TRANK1: variants seen among roughly 807,000 people sequenced by gnomAD.
TRANK1 encodes TPR and ankyrin repeat-containing protein 1.
TRANK1 carries 198 observed loss-of-function variants against 266.0 expected under a neutral mutation model. That is an observed-to-expected ratio of 0.74 (90% CI 0.66 to 0.84). The LOEUF is 0.84. Ranked by LOEUF, TRANK1 falls within the 40% of genes least tolerant of loss-of-function variation. The pLI, the probability that TRANK1 is intolerant of heterozygous loss-of-function variation, is 0.00. For missense variants in TRANK1, 3,326 were observed against 3,634.6 expected, an observed-to-expected ratio of 0.92 and a Z score of 2.18; for synonymous variants, 1,396 against 1,384.1, an observed-to-expected ratio of 1.01 and a Z score of -0.19.
At chr3:36,841,213 A>G (rs1314738661) in intron 18 of TRANK1, among the ~76,000 whole-genome samples, 1 of 152,240 alleles carries the variant, frequency 6.6e-6, no homozygotes, top group African/African-American at 2.4e-5. Context: ...CAAGCCCTCC[A>G]TAGAAAACAC....
intron 1 of TRANK1, among the ~76,000 whole-genome samples, chr3:36,919,999 T>C (rs1244061855): frequency 1.3e-5 from 2 of 152,182 alleles, no homozygotes; most frequent in African/African-American, 4.8e-5. Context: ...TCTTGCAATA[T>C]TGCTAATAGC....
At chr3:36,868,785 C>G (rs2079263324) in intron 9 of TRANK1, among the ~76,000 whole-genome samples, 1 of 152,116 alleles carries the variant, frequency 6.6e-6, no homozygotes, top group Non-Finnish European at 1.5e-5. Flanking sequence ...TCCTTTAAGT[C>G]AATACCCTAT....
intron 3 of TRANK1, 117 bp downstream of exon 3, chr3:36,903,032 G>C: frequency 1.5e-6 from 2 of 1,339,866 alleles, no homozygotes; most frequent in Non-Finnish European, 2.0e-6. Flanking sequence ...GAAGGAGGCA[G>C]CAGCTGCCAC....
intron 4 of TRANK1, among the ~76,000 whole-genome samples, chr3:36,898,709 G>A (rs1026029692): frequency 1.3e-5 from 2 of 151,980 alleles, no homozygotes; most frequent in Non-Finnish European, 2.9e-5. Context: ...AAACTAGCCC[G>A]GTGTGGTGGC....
rs553556742 is a variant in TRANK1 at position 36,852,212 on chromosome 3, G to A, written c.4683C>T (p.Ser1561=). The change falls in exon 14 of 24, where the codon AGC becomes AGT. Residue 1561 remains serine, a synonymous_variant. Transcript: ENST00000645898. The part of the protein sequence containing the change: ...KPTVLESCSV[S]DLAILLRGNK... ...TCCCTCGTAGCAAAATTGCCAAGTC[G>A]CTTACACTACAAGACTCCAGAACAG... 490 of 1,611,570 alleles carry A rather than the reference G, an allele frequency of 3.0e-4. 4 individuals carry two copies. The South Asian group carries it at 4.6e-3, about 15-fold the overall frequency.
Position 36,864,413 on chromosome 3 carries a change from C to T in TRANK1, c.1146G>A (p.Val382=). Reference sequence around the variant, plus strand: ...ACCGGTTTCCTGAGTTCATATACTTCACCAGCTGCTCCAAGACCTTCCTGA... The same window carrying T: ...ACCGGTTTCCTGAGTTCATATACTTTACCAGCTGCTCCAAGACCTTCCTGA... ...DIFRKVLEQL[V]KYMNSGNRLL... is the part of the protein sequence containing the mutation. The change falls in exon 10 of 24, where the codon GTG becomes GTA. Residue 382 remains valine, a synonymous_variant. Transcript: ENST00000645898. 3 of 1,536,918 alleles carry T rather than the reference C, an allele frequency of 2.0e-6. No homozygotes were observed. The highest frequency in any genetic ancestry group is 1.7e-4 in the Middle Eastern group (1 of 5,990).
At chr3:36,939,500 G>A (rs2080468354) in intron 1 of TRANK1, among the ~76,000 whole-genome samples, 1 of 152,164 alleles carries the variant, frequency 6.6e-6, no homozygotes, top group African/African-American at 2.4e-5. Flanking sequence ...CTGGGATCAA[G>A]TCCCACTGTT....
intron 9 of TRANK1, 115 bp downstream of exon 9, chr3:36,874,011 C>CAT (rs1218462509): frequency 6.6e-5 from 60 of 907,786 alleles, no homozygotes; most frequent in Admixed American, 1.5e-4. Context: ...GTCTCACTTC[C>CAT]ATATATATAT....
intron 5 of TRANK1, among the ~76,000 whole-genome samples, chr3:36,894,846 G>A (rs1041064068): frequency 2.6e-5 from 4 of 152,124 alleles, no homozygotes; most frequent in Admixed American, 6.5e-5. Flanking sequence ...AACCAAATTC[G>A]TAGCTTGGCC....
At chr3:36,937,945 T>C (rs982762451) in intron 1 of TRANK1, among the ~76,000 whole-genome samples, 3 of 152,222 alleles carry the variant, frequency 2.0e-5, no homozygotes, top group Admixed American at 2.0e-4. Flanking sequence ...CAAGCCTCTA[T>C]GTAGCATTTA....
intron 15 of TRANK1, 175 bp downstream of exon 15, chr3:36,851,544 T>C (rs2078984305): frequency 1.7e-6 from 2 of 1,209,804 alleles, no homozygotes; most frequent in East Asian, 2.8e-5. Flanking sequence ...CCACAGCTAA[T>C]GTCAAAACCC....
At chr3:36,935,275 A>G (rs1246241335) in intron 1 of TRANK1, among the ~76,000 whole-genome samples, 2 of 152,028 alleles carry the variant, frequency 1.3e-5, no homozygotes. Context: ...CACCTCTATA[A>G]GGTCCTGTGT....
intron 1 of TRANK1, among the ~76,000 whole-genome samples, chr3:36,919,426 A>G (rs758470456): frequency 3.9e-5 from 6 of 152,218 alleles, no homozygotes; most frequent in Non-Finnish European, 8.8e-5. Context: ...TATCCATGTG[A>G]GACTCAACTA....
intron 1 of TRANK1, among the ~76,000 whole-genome samples, chr3:36,909,271 C>A (rs189268154): frequency 6.6e-6 from 1 of 152,306 alleles, no homozygotes; most frequent in Non-Finnish European, 1.5e-5. Context: ...TGTGGTGTAA[C>A]AATTGAATGC....
Position 36,855,728 on chromosome 3 carries a change from G to A in TRANK1, c.3994C>T (p.Pro1332Ser). The change falls in exon 13 of 24, where the codon CCC (proline) becomes TCC (serine). Residue 1332 changes from proline (P) to serine (S), a missense_variant. Transcript: ENST00000645898. ...GCAGTCCTCCCTTTGGTCATTTTGG[G>A]CCATATTTCATTTTTGAACACCTCA... ...TFEVFKNEIW[P>S]KMTKGRTAYN... The A allele has an allele frequency of 6.2e-7, 1 of 1,613,586 alleles. No individual in the cohort carries two copies. Among genetic ancestry groups the A allele is most frequent in the Non-Finnish European group, 8.5e-7 (1 of 1,179,808 alleles).
intron 8 of TRANK1, among the ~76,000 whole-genome samples, chr3:36,883,802 A>T (rs1194646625): frequency 6.6e-6 from 1 of 152,196 alleles, no homozygotes; most frequent in Non-Finnish European, 1.5e-5. Flanking sequence ...ATATAAACAA[A>T]ATCAAACAGG....
Position 36,832,332 on chromosome 3 carries a change from G to GTCTTCTGGGTTCCC in TRANK1, c.7250_7251insGGGAACCCAGAAGA (p.Phe2417LeufsTer23). 1 of 1,613,994 alleles carries GTCTTCTGGGTTCCC rather than the reference G, an allele frequency of 6.2e-7. No individual in the cohort carries two copies. Among genetic ancestry groups the GTCTTCTGGGTTCCC allele is most frequent in the Non-Finnish European group, 8.5e-7 (1 of 1,179,890 alleles). ...AGTCTTCTGGGTTCCTGTACACGTA[G>GTCTTCTGGGTTCCC]AATTGATCAATGCAATTCTCCAGAA... On this transcript the variant is annotated frameshift_variant, in exon 22 of 24. Coordinates refer to ENST00000645898, the MANE Select transcript of TRANK1 (RefSeq NM_001329998.2). LOFTEE classifies it high-confidence loss of function.
rs1268368602 is a variant in TRANK1 at position 36,944,867 on chromosome 3, T to C, written c.-58A>G. On this transcript the variant is annotated 5_prime_UTR_variant, in exon 1 of 24. Transcript: ENST00000645898. Reference sequence around the variant, plus strand: ...CGCCGCCTGGGGAAGCGCTTCCCTGTGGGCAGGGCGCGGCGGGCAGTGCGG... The same window carrying C: ...CGCCGCCTGGGGAAGCGCTTCCCTGCGGGCAGGGCGCGGCGGGCAGTGCGG... The C allele has an allele frequency of 3.6e-6, 5 of 1,401,456 alleles. No individual in the cohort carries two copies. The highest frequency in any genetic ancestry group is 4.6e-6 in the Non-Finnish European group (5 of 1,082,278). The allele number at this position is 1,401,456 out of a possible 1,614,324, so 86.8% of individuals were successfully genotyped here.
intron 1 of TRANK1, among the ~76,000 whole-genome samples, chr3:36,938,648 G>T (rs1024849626): frequency 6.6e-6 from 1 of 152,080 alleles, no homozygotes; most frequent in Non-Finnish European, 1.5e-5. Context: ...AGCCTCCAGA[G>T]TCAAAACTTC....
Sources: gnomAD v4.1 joint callset for allele counts (sites outside exome capture counted in the v4.1 genomes callset) on GRCh38, gnomAD v4.1.1 for gene constraint, MANE v1.5 for transcripts, NCBI Gene and HGNC (gene_info 2026-07-23, HGNC 2026-07-21) for gene names.